The following EPHA6 variants were observed in gnomAD, a reference collection of about 807,000 sequenced individuals.
EPHA6 encodes EPH receptor A6, also known as ephrin type-A receptor 6.
A neutral mutation model predicts 112.0 loss-of-function variants in EPHA6; 50 were observed. That is an observed-to-expected ratio of 0.45 (90% CI 0.36 to 0.56). The LOEUF (loss-of-function observed/expected upper bound fraction) is 0.56. Among genes scored for constraint, EPHA6 ranks in the 20% least tolerant of loss-of-function variants. EPHA6 has a pLI of 0.00. For synonymous variants in EPHA6, 529 were observed against 490.7 expected (o/e 1.08, Z -1.03); for missense variants, 1,280 against 1,417.4 (o/e 0.90, Z 1.56).
intron 5 of EPHA6, among the ~76,000 whole-genome samples, chr3:97,266,953 G>A (rs2079705670): frequency 6.6e-6 from 1 of 152,062 alleles, no homozygotes. Flanking sequence ...GAAATAAATA[G>A]GAATAAAGGG....
At chr3:97,103,257 C>G (rs140808771) in intron 3 of EPHA6, among the ~76,000 whole-genome samples, 48 of 152,074 alleles carry the variant, frequency 3.2e-4, no homozygotes, top group Middle Eastern at 3.4e-3. Context: ...TTGCCTTTCA[C>G]AGTTTTCATA....
At chr3:97,478,975 C>A (rs2107474929) in intron 8 of EPHA6, among the ~76,000 whole-genome samples, 1 of 152,120 alleles carries the variant, frequency 6.6e-6, no homozygotes, top group Non-Finnish European at 1.5e-5. Flanking sequence ...ACTCAAAATG[C>A]TTTTTTTATT....
intron 2 of EPHA6, among the ~76,000 whole-genome samples, chr3:96,975,647 T>C (rs2042491723): frequency 6.6e-6 from 1 of 152,058 alleles, no homozygotes; most frequent in Non-Finnish European, 1.5e-5. Flanking sequence ...AAAGAAAGAA[T>C]TCCTTGGAGT....
chr3:96,896,046 A>G (rs1375420140), intron 2 of EPHA6, among the ~76,000 whole-genome samples: 1 of 152,210 alleles, frequency 6.6e-6, no homozygotes, highest in Non-Finnish European at 1.5e-5. Flanking sequence ...CACAATGATG[A>G]AATCACCTAT....
At chr3:97,035,718 G>A (rs1034526284) in intron 3 of EPHA6, among the ~76,000 whole-genome samples, 2 of 151,882 alleles carry the variant, frequency 1.3e-5, no homozygotes, top group Non-Finnish European at 2.9e-5. Flanking sequence ...TGCTTCTTGA[G>A]TTACCTTGAC....
intron 2 of EPHA6, among the ~76,000 whole-genome samples, chr3:96,910,583 C>T (rs1053767549): frequency 1.1e-4 from 16 of 152,186 alleles, no homozygotes; most frequent in Non-Finnish European, 1.6e-4. Flanking sequence ...TCTCTTGGCT[C>T]CCAACTGTTC....
chr3:97,621,215 G>A (rs146428895), intron 13 of EPHA6, among the ~76,000 whole-genome samples: 1 of 152,038 alleles, frequency 6.6e-6, no homozygotes, highest in African/African-American at 2.4e-5. Context: ...TAAATGATGA[G>A]AACACATGGA....
intron 6 of EPHA6, among the ~76,000 whole-genome samples, chr3:97,443,915 C>G (rs2090230086): frequency 1.3e-5 from 2 of 152,106 alleles, no homozygotes. Context: ...ATACTCTGGA[C>G]ATATTTGCTT....
intron 3 of EPHA6, among the ~76,000 whole-genome samples, chr3:97,139,378 C>T (rs981623759): frequency 6.6e-6 from 1 of 152,116 alleles, no homozygotes; most frequent in Non-Finnish European, 1.5e-5. Context: ...TCACAAGTAC[C>T]ACCTATGGGC....
intron 10 of EPHA6, among the ~76,000 whole-genome samples, chr3:97,494,808 C>T (rs973242473): frequency 5.9e-5 from 9 of 152,158 alleles, no homozygotes; most frequent in Non-Finnish European, 1.5e-5. Context: ...CACACCACAC[C>T]ATTACCCTTC....
chr3:97,022,742 TCA>T (rs201695886), intron 3 of EPHA6, among the ~76,000 whole-genome samples: 1,995 of 152,302 alleles, frequency 0.013, 43 homozygotes, highest in African/African-American at 0.043. Flanking sequence ...TCTTTTAGAA[TCA>T]CCTAAGAGGT....
At chr3:97,524,511 T>C (rs1420425989) in intron 10 of EPHA6, among the ~76,000 whole-genome samples, 1 of 152,102 alleles carries the variant, frequency 6.6e-6, no homozygotes, top group African/African-American at 2.4e-5. Flanking sequence ...GTGATTTACA[T>C]AACCCCTTTA....
rs1224456662 is a variant in EPHA6, at chr3:97,323,768, GC to G, written c.1606+79483del. On this transcript the variant is annotated intron_variant, in intron 5 of 17. Coordinates refer to ENST00000389672, the MANE Select transcript of EPHA6 (RefSeq NM_001080448.3). The stretch of plus-strand genomic sequence containing the variant: ...AAAATAAAATCTTCCCCACAATAGC[GC>G]CACAGGGAGAAAGAAACACAGTTTG... 5.3e-5 allele frequency among the ~76,000 whole-genome samples: 8 copies of G among 151,902 alleles called. 1 individual carries two copies. In the South Asian group the frequency reaches 1.5e-3, roughly 28 times the overall value.
At chr3:96,959,990 T>A (rs1343951356) in intron 2 of EPHA6, among the ~76,000 whole-genome samples, 1 of 152,116 alleles carries the variant, frequency 6.6e-6, no homozygotes, top group Non-Finnish European at 1.5e-5. Flanking sequence ...AATAACTATT[T>A]CATTTTGGCA....
chr3:97,107,006 T>G (rs1355395123), intron 3 of EPHA6, among the ~76,000 whole-genome samples: 3 of 152,094 alleles, frequency 2.0e-5, no homozygotes, highest in African/African-American at 7.2e-5. Context: ...GTATAGAAAA[T>G]TCACCATTCT....
intron 3 of EPHA6, among the ~76,000 whole-genome samples, chr3:97,162,740 G>T (rs533800095): frequency 6.6e-6 from 1 of 152,170 alleles, no homozygotes; most frequent in African/African-American, 2.4e-5. Context: ...GGTGTTCTGG[G>T]TCTATTTACT....
rs913008615 is a variant in EPHA6 at position 97,750,332 on chromosome 3, TTTTTTG to T, written c.*1646_*1651del. ...TTTTAAATAAAGGACCCTGTTTTTGTTTTTTGTTTTTGTTTTTGTTGTTCGTTTGTT... is the reference window on the plus strand; with the variant it reads ...TTTTAAATAAAGGACCCTGTTTTTGTTTTTTGTTTTTGTTGTTCGTTTGTT... On this transcript the variant is annotated 3_prime_UTR_variant, in exon 18 of 18. Transcript: ENST00000389672. 3.2e-4 allele frequency among the ~76,000 whole-genome samples: 49 copies of T among 151,760 alleles called. 1 individual carries two copies. Among genetic ancestry groups the T allele is most frequent in the African/African-American group, 1.1e-3 (44 of 41,454 alleles).
At chr3:97,407,477 T>G (rs2107083347) in intron 6 of EPHA6, among the ~76,000 whole-genome samples, 1 of 151,988 alleles carries the variant, frequency 6.6e-6, no homozygotes, top group South Asian at 2.1e-4. Context: ...GTGTGTGATG[T>G]GTCTGAGTGT....
At chr3:96,989,491 A>T (rs755133901) in intron 3 of EPHA6, among the ~76,000 whole-genome samples, 3 of 152,226 alleles carry the variant, frequency 2.0e-5, no homozygotes. Context: ...ACCATAAATT[A>T]TCCTGGAGTT....
Sources: allele counts gnomAD v4.1 joint callset (sites outside exome capture counted in the v4.1 genomes callset), GRCh38; gene constraint gnomAD v4.1.1; transcripts MANE v1.5; gene names NCBI Gene and HGNC (gene_info 2026-07-23, HGNC 2026-07-21).